DMD: variants seen among roughly 807,000 people sequenced by gnomAD.
The protein encoded by DMD is dystrophin, also known as mutant dystrophin.
A neutral mutation model predicts 330.1 loss-of-function variants in DMD; 63 were observed. The ratio of observed to expected loss-of-function variants is 0.19; its 90% CI spans 0.16 to 0.24. The LOEUF (loss-of-function observed/expected upper bound fraction) is 0.24, where lower values mean the gene tolerates loss of function less well. Ranked by LOEUF, DMD falls within the 10% of genes least tolerant of loss-of-function variation. DMD has a pLI of 1.00. For synonymous variants in DMD, 1,223 were observed against 959.8 expected (o/e 1.27, Z -5.07); for missense variants, 3,344 against 2,684.1 (o/e 1.25, Z -5.43).
chrX:32,740,530 C>A lies in DMD; in HGVS notation c.650-41237G>T, dbSNP rs184081154. The stretch of plus-strand genomic sequence containing the variant: ...AAGTTAATGACCACCAACATATTAA[C>A]AATATTTATCTTTCGGTGTAAGAAT... On this transcript the variant is annotated intron_variant, in intron 7 of 78. Transcript: ENST00000357033. Among the ~76,000 whole-genome samples, 312 of 110,933 alleles carry A rather than the reference C, an allele frequency of 2.8e-3. 1 individual carries two copies. The highest frequency in any genetic ancestry group is 9.1e-3 in the African/African-American group (278 of 30,599).
Position 31,531,590 on chromosome X carries a change from G to A in DMD, c.8218-24137C>T, listed in dbSNP as rs1427730311. On this transcript the variant is annotated intron_variant, in intron 55 of 78. Coordinates refer to ENST00000357033, the MANE Select transcript of DMD (RefSeq NM_004006.3). ...TCTGGATATTAGCCCTTTGTCAGAT[G>A]AGTAGGTTGCGGAAATTTTCTCCCA... 3.7e-3 allele frequency among the ~76,000 whole-genome samples: 351 copies of A among 94,701 alleles called. 2 individuals carry two copies. Among genetic ancestry groups the A allele is most frequent in the Non-Finnish European group, 5.0e-3 (246 of 49,115 alleles). 82.2% of individuals were successfully genotyped at this position (94,701 alleles called of 115,157 possible). A position where few individuals can be genotyped will look rare whatever the true frequency, so the allele number is the denominator to read the frequency against.
chrX:32,383,939 C>CA (rs1376018267), intron 33 of DMD, among the ~76,000 whole-genome samples: 2 of 109,379 alleles, frequency 1.8e-5, no homozygotes, highest in Non-Finnish European at 3.8e-5. Flanking sequence ...AGCCCACACA[C>CA]AAAAAACCTC....
intron 43 of DMD, among the ~76,000 whole-genome samples, chrX:32,240,105 T>A (rs2097202486): frequency 8.9e-6 from 1 of 111,900 alleles, no homozygotes; most frequent in Non-Finnish European, 1.9e-5. Context: ...AACTGAGGCA[T>A]TAAATGCTTT....
At chrX:32,789,099 C>G (rs1441272665) in intron 7 of DMD, among the ~76,000 whole-genome samples, 1 of 111,927 alleles carries the variant, frequency 8.9e-6, no homozygotes, top group Non-Finnish European at 1.9e-5. Flanking sequence ...CAAACATGTC[C>G]GTGAAGCAAT....
At chrX:32,474,511 C>T (rs1366860377) in intron 21 of DMD, among the ~76,000 whole-genome samples, 1 of 111,653 alleles carries the variant, frequency 9.0e-6, no homozygotes, top group Non-Finnish European at 1.9e-5. Context: ...TCACCACATC[C>T]ACGCAAACAT....
chrX:32,702,353 G>T (rs2064212127), intron 7 of DMD, among the ~76,000 whole-genome samples: 1 of 111,585 alleles, frequency 9.0e-6, no homozygotes, highest in African/African-American at 3.2e-5. Context: ...TTCAATAGCT[G>T]GAAATGAGGG....
intron 51 of DMD, among the ~76,000 whole-genome samples, chrX:31,739,539 C>T (rs2087137226): frequency 9.1e-6 from 1 of 109,972 alleles, no homozygotes; most frequent in South Asian, 3.9e-4. Context: ...TGTTCTCACT[C>T]GTAAGTGGGA....
At chrX:31,836,032 G>A (rs1603484425) in intron 49 of DMD, among the ~76,000 whole-genome samples, 1 of 111,645 alleles carries the variant, frequency 9.0e-6, no homozygotes, top group African/African-American at 3.3e-5. Context: ...ACTCTCATTT[G>A]CAAATGGAAG....
At chrX:31,776,959 G>C (rs1199068060) in intron 50 of DMD, among the ~76,000 whole-genome samples, 1 of 111,859 alleles carries the variant, frequency 8.9e-6, no homozygotes, top group Non-Finnish European at 1.9e-5. Flanking sequence ...ACCACCTGAA[G>C]AACATCTATC....
intron 63 of DMD, among the ~76,000 whole-genome samples, chrX:31,244,864 A>G (rs1370007917): frequency 8.9e-6 from 1 of 112,119 alleles, no homozygotes; most frequent in Non-Finnish European, 1.9e-5. Context: ...AATGTTCAAT[A>G]AAAGTAAGAT....
intron 44 of DMD, among the ~76,000 whole-genome samples, chrX:32,118,842 C>A (rs1343763888): frequency 9.0e-6 from 1 of 110,818 alleles, no homozygotes; most frequent in African/African-American, 3.3e-5. Flanking sequence ...CACCTCAGAT[C>A]TTCAGGCATT....
intron 1 of DMD, among the ~76,000 whole-genome samples, chrX:33,262,838 T>G (rs2148905977): frequency 9.0e-6 from 1 of 110,654 alleles, no homozygotes; most frequent in Admixed American, 9.7e-5. Context: ...CTGTAATACC[T>G]AAAGAATTAC....
intron 4 of DMD, among the ~76,000 whole-genome samples, chrX:32,844,143 G>A (rs1323210543): frequency 9.0e-6 from 1 of 111,649 alleles, no homozygotes; most frequent in Admixed American, 9.5e-5. Context: ...GGTGGCTCAC[G>A]CCTGTAATCT....
At chrX:32,484,845 AGTACCTTCTG>A in intron 21 of DMD, 64 bp downstream of exon 21, 1 of 1,029,832 alleles carries the variant, frequency 9.7e-7, no homozygotes, top group Non-Finnish European at 1.3e-6. Context: ...GTTTCATGTT[AGTACCTTCTG>A]GATTTCCCCA....
intron 41 of DMD, 131 bp downstream of exon 41, chrX:32,341,969 C>T (rs1359121747): frequency 3.0e-6 from 2 of 669,757 alleles, no homozygotes; most frequent in Non-Finnish European, 4.3e-6. Flanking sequence ...GGAAACCACT[C>T]ACTTTCAGAA....
intron 27 of DMD, among the ~76,000 whole-genome samples, chrX:32,446,014 G>C (rs1226623538): frequency 9.1e-6 from 1 of 110,276 alleles, no homozygotes; most frequent in Non-Finnish European, 1.9e-5. Flanking sequence ...AAATTGAGCA[G>C]ATAGAGATAA....
chrX:33,088,868 G>A (rs2095046070), intron 1 of DMD, among the ~76,000 whole-genome samples: 1 of 110,511 alleles, frequency 9.0e-6, no homozygotes, highest in Admixed American at 9.7e-5. Context: ...GACTGGCTCT[G>A]GTAAAAGTGA....
At chrX:32,192,990 T>C (rs972041801) in intron 44 of DMD, among the ~76,000 whole-genome samples, 2 of 112,034 alleles carry the variant, frequency 1.8e-5, no homozygotes, top group African/African-American at 6.5e-5. Flanking sequence ...TGTGGATTTC[T>C]CATGAATGGT....
Position 31,146,349 on chromosome X carries a change from G to C in DMD, c.10863C>G (p.Ser3621=). 8.3e-7 allele frequency: 1 copy of C among 1,209,767 alleles called. No homozygotes were observed. Among genetic ancestry groups the C allele is most frequent in the Non-Finnish European group, 1.1e-6 (1 of 893,871 alleles). The change falls in exon 76 of 79, where the codon TCC becomes TCG. Residue 3621 remains serine, a synonymous_variant. Transcript: ENST00000357033. ...VSSPSTSLQR[S]DSSQPMLLRV... is the part of the protein sequence containing the mutation. ...GGAGCAGCATAGGCTGACTGCTGTC[G>C]GACCTCTGTAGAGAGGTAGAAGGAG...
Sources: allele counts gnomAD v4.1 joint callset (sites outside exome capture counted in the v4.1 genomes callset), GRCh38; gene constraint gnomAD v4.1.1; transcripts MANE v1.5; gene names NCBI Gene and HGNC (gene_info 2026-07-23, HGNC 2026-07-21).